The following DNAJC1 variants were observed in gnomAD, a reference collection of about 807,000 sequenced individuals.
DNAJC1 encodes the protein dnaJ homolog subfamily C member 1.
Under a neutral mutation model 76.6 loss-of-function variants are expected in DNAJC1, and 58 were observed. The observed-to-expected ratio is 0.76, with a 90% CI of 0.61 to 0.94. The LOEUF (loss-of-function observed/expected upper bound fraction) is 0.94. Among genes scored for constraint, DNAJC1 ranks in the 40% least tolerant of loss-of-function variants. The pLI is 0.00. For missense variants in DNAJC1, 689 were observed against 677.3 expected, an observed-to-expected ratio of 1.02 and a Z score of -0.19; for synonymous variants, 258 against 267.9, an observed-to-expected ratio of 0.96 and a Z score of 0.36.
intron 1 of DNAJC1, among the ~76,000 whole-genome samples, chr10:21,959,149 G>C (rs1837743120): frequency 6.6e-6 from 1 of 151,934 alleles, no homozygotes; most frequent in African/African-American, 2.4e-5. Context: ...TTCTGAGATG[G>C]AGTCTCGCTC....
At chr10:21,991,839 A>G (rs1337964865) in intron 1 of DNAJC1, among the ~76,000 whole-genome samples, 2 of 152,228 alleles carry the variant, frequency 1.3e-5, no homozygotes, top group Admixed American at 1.3e-4. Context: ...AGTTTTGCTT[A>G]TAACGATTTG....
intron 1 of DNAJC1, among the ~76,000 whole-genome samples, chr10:21,969,632 T>G (rs997780586): frequency 8.5e-5 from 13 of 152,210 alleles, no homozygotes; most frequent in Non-Finnish European, 1.5e-5. Context: ...TCTTAGTAAT[T>G]CCGATAGGGT....
intron 8 of DNAJC1, among the ~76,000 whole-genome samples, chr10:21,870,291 GA>G (rs1414656123): frequency 6.6e-6 from 1 of 151,964 alleles, no homozygotes; most frequent in African/African-American, 2.4e-5. Flanking sequence ...AAACTAGAAA[GA>G]AAACTTCTCA....
intron 1 of DNAJC1, among the ~76,000 whole-genome samples, chr10:21,932,985 G>A (rs112568535): frequency 0.015 from 2,300 of 152,108 alleles, 53 homozygotes; most frequent in African/African-American, 0.052. Context: ...GTTTCTATAA[G>A]TATAGAAAAA....
At chr10:21,927,669 A>G (rs150872366) in intron 3 of DNAJC1, among the ~76,000 whole-genome samples, 118 of 152,320 alleles carry the variant, frequency 7.7e-4, no homozygotes, top group African/African-American at 2.6e-3. Flanking sequence ...TTAACATGCA[A>G]TAAGAAATAT....
intron 8 of DNAJC1, chr10:21,865,431 A>C (rs557172948): frequency 1.3e-5 from 2 of 152,300 alleles, no homozygotes; most frequent in Non-Finnish European, 2.9e-5. Flanking sequence ...AACATGAATA[A>C]ATTTCAGACT....
intron 6 of DNAJC1, among the ~76,000 whole-genome samples, chr10:21,914,499 ATG>A (rs1564825976): frequency 6.6e-6 from 1 of 152,160 alleles, no homozygotes; most frequent in Non-Finnish European, 1.5e-5. Flanking sequence ...TCTTTCACAG[ATG>A]TGTGTGTAAT....
At chr10:21,976,347 G>A (rs1460691241) in intron 1 of DNAJC1, among the ~76,000 whole-genome samples, 2 of 152,184 alleles carry the variant, frequency 1.3e-5, no homozygotes, top group Non-Finnish European at 2.9e-5. Context: ...TTGATTCTAT[G>A]AGGTAGGGCC....
chr10:21,934,957 G>A (rs1006246724), intron 1 of DNAJC1, among the ~76,000 whole-genome samples: 2 of 152,124 alleles, frequency 1.3e-5, no homozygotes, highest in Admixed American at 1.3e-4. Context: ...CTTTACAAAA[G>A]TGTCTATTTC....
intron 10 of DNAJC1, among the ~76,000 whole-genome samples, chr10:21,765,851 A>G (rs1268665177): frequency 2.0e-5 from 3 of 151,732 alleles, no homozygotes; most frequent in African/African-American, 7.2e-5. Context: ...CTCAAAAAAA[A>G]GGAAACATAA....
At chr10:21,896,357 G>A (rs1022969181) in intron 7 of DNAJC1, among the ~76,000 whole-genome samples, 5 of 152,196 alleles carry the variant, frequency 3.3e-5, no homozygotes, top group African/African-American at 7.2e-5. Context: ...GATGAAACAC[G>A]AAGTCAAAGT....
chr10:21,765,226 A>T lies in DNAJC1; in HGVS notation c.1147+1035T>A, dbSNP rs911020267. Reference sequence around the variant, plus strand: ...CTCCAAGTTGAATTCTTTTAAAAAAATTTTTTTTTACGTTTATTTTTCAGA... The same window carrying T: ...CTCCAAGTTGAATTCTTTTAAAAAATTTTTTTTTTACGTTTATTTTTCAGA... On this transcript the variant is annotated intron_variant, in intron 10 of 11. Transcript: ENST00000376980. Among the ~76,000 whole-genome samples the T allele has an allele frequency of 8.6e-5, 13 of 151,752 alleles. No homozygotes were observed. The East Asian group carries it at 1.4e-3, about 16-fold the overall frequency.
intron 5 of DNAJC1, 73 bp downstream of exon 5, chr10:21,919,759 T>C (rs900391020): frequency 2.4e-5 from 24 of 1,005,792 alleles, no homozygotes; most frequent in African/African-American, 1.6e-4. Flanking sequence ...TAGACATACA[T>C]ATGAAGTTGA....
At chr10:21,891,479 A>G (rs1836461836) in intron 7 of DNAJC1, among the ~76,000 whole-genome samples, 1 of 148,068 alleles carries the variant, frequency 6.8e-6, no homozygotes, top group African/African-American at 2.5e-5. Flanking sequence ...AAGTAGACAA[A>G]AAAAAAAAAA....
chr10:21,871,395 G>A (rs190012551), intron 8 of DNAJC1, among the ~76,000 whole-genome samples: 1 of 150,424 alleles, frequency 6.6e-6, no homozygotes, highest in East Asian at 2.0e-4. Context: ...CAGAGCCCAA[G>A]GTAAAGATGG....
intron 1 of DNAJC1, among the ~76,000 whole-genome samples, chr10:21,976,376 T>C (rs550408339): frequency 3.3e-5 from 5 of 152,320 alleles, no homozygotes; most frequent in African/African-American, 7.2e-5. Flanking sequence ...AAGCATGTGA[T>C]TGTTCAGTCG....
At chr10:21,760,843 A>G (rs1359260234) in intron 10 of DNAJC1, among the ~76,000 whole-genome samples, 2 of 152,182 alleles carry the variant, frequency 1.3e-5, no homozygotes, top group African/African-American at 4.8e-5. Context: ...TCTCCTATGG[A>G]AATAATTACA....
intron 6 of DNAJC1, among the ~76,000 whole-genome samples, chr10:21,907,545 A>G (rs746075491): frequency 1.1e-4 from 17 of 152,144 alleles, no homozygotes; most frequent in Non-Finnish European, 2.1e-4. Flanking sequence ...TTGAAACTCT[A>G]TTTTTATAAG....
At chr10:21,828,596 A>G (rs1405179669) in intron 8 of DNAJC1, among the ~76,000 whole-genome samples, 1 of 152,220 alleles carries the variant, frequency 6.6e-6, no homozygotes, top group Non-Finnish European at 1.5e-5. Context: ...AACCAATAAC[A>G]TAATAAATCC....
Sources: allele counts gnomAD v4.1 joint callset (sites outside exome capture counted in the v4.1 genomes callset), GRCh38; gene constraint gnomAD v4.1.1; transcripts MANE v1.5; gene names NCBI Gene and HGNC (gene_info 2026-07-23, HGNC 2026-07-21).